BSDC1: variants seen among roughly 807,000 people sequenced by gnomAD.
BSDC1 encodes the protein BSD domain containing 1.
Under a neutral mutation model 56.0 loss-of-function variants are expected in BSDC1, and 29 were observed. That is an observed-to-expected ratio of 0.52 (90% confidence interval 0.39 to 0.71). The LOEUF is 0.71. Ranked by LOEUF, BSDC1 falls within the 30% of genes least tolerant of loss-of-function variation. The pLI is 0.00. For missense variants in BSDC1, 477 were observed against 548.5 expected (o/e 0.87, Z 1.30); for synonymous variants, 210 against 215.3 (o/e 0.98, Z 0.21).
chr1:32,367,043 C>A (rs979010625), intron 10 of BSDC1: 10 of 1,008,042 alleles, frequency 9.9e-6, no homozygotes, highest in Non-Finnish European at 1.1e-5. Flanking sequence ...GATACTTGGC[C>A]CTGGACACAA....
chr1:32,377,093 G>A (rs1301514495), intron 8 of BSDC1, among the ~76,000 whole-genome samples: 2 of 151,956 alleles, frequency 1.3e-5, no homozygotes, highest in Non-Finnish European at 2.9e-5. Context: ...CGGAGATTGC[G>A]CCACTGCACT....
intron 4 of BSDC1, among the ~76,000 whole-genome samples, chr1:32,382,576 T>C (rs889371525): frequency 1.3e-5 from 2 of 151,032 alleles, no homozygotes; most frequent in Admixed American, 6.6e-5. Flanking sequence ...GAAAATACAA[T>C]GTGGCCAGGC....
At chr1:32,380,019 T>G (rs913763201) in intron 5 of BSDC1, among the ~76,000 whole-genome samples, 4 of 152,142 alleles carry the variant, frequency 2.6e-5, no homozygotes, top group Admixed American at 6.6e-5. Context: ...CTTCAAAGGG[T>G]CAAAGAATTC....
intron 2 of BSDC1, 200 bp downstream of exon 2, chr1:32,393,880 T>A (rs1198506711): frequency 3.6e-6 from 2 of 559,238 alleles, no homozygotes; most frequent in African/African-American, 3.8e-5. Context: ...AAACCATCTT[T>A]ATTTCACTGT....
chr1:32,386,046 G>A (rs1286938707), intron 3 of BSDC1, among the ~76,000 whole-genome samples: 12 of 152,118 alleles, frequency 7.9e-5, no homozygotes, highest in South Asian at 2.1e-4. Flanking sequence ...AGGGCTGGGC[G>A]CGGTGGCTCA....
chr1:32,381,335 T>C (rs1642472582), intron 4 of BSDC1, 67 bp from the exon 5 acceptor site: 1 of 1,477,436 alleles, frequency 6.8e-7, no homozygotes, highest in Non-Finnish European at 9.4e-7. Context: ...ACCCTTTCTC[T>C]GCCAGGATAC....
chr1:32,376,413 C>T lies in BSDC1; in HGVS notation c.1005G>A (p.Lys335=), dbSNP rs1382913573. 3 of 1,613,794 alleles carry T rather than the reference C, an allele frequency of 1.9e-6. No individual in the cohort carries two copies. The highest frequency in any genetic ancestry group is 1.1e-5 in the South Asian group (1 of 91,048). ...ETGPSPPIHS[K]PLTPAGHTGG... ...CGGTGTGGCCAGCAGGCGTTAGGGG[C>T]TTGGAGTGAATAGGGGGTGAGGGTC... Residue 335 remains lysine (K), a synonymous_variant, in exon 9 of 11, where the codon AAG becomes AAA. Coordinates refer to ENST00000455895, the MANE Select transcript of BSDC1 (RefSeq NM_018045.8).
intron 5 of BSDC1, among the ~76,000 whole-genome samples, chr1:32,379,877 T>C (rs1048710457): frequency 6.6e-6 from 1 of 152,018 alleles, no homozygotes; most frequent in African/African-American, 2.4e-5. Flanking sequence ...CTTCTGTCTT[T>C]CTCTCTATTT....
chr1:32,381,742 CA>C (rs1373096293), intron 4 of BSDC1, among the ~76,000 whole-genome samples: 1 of 152,208 alleles, frequency 6.6e-6, no homozygotes, highest in African/African-American at 2.4e-5. Context: ...CTGGCAAAGA[CA>C]AAGTCCACCT....
intron 4 of BSDC1, 131 bp downstream of exon 4, chr1:32,383,699 G>T (rs1005152736): frequency 2.9e-6 from 2 of 698,724 alleles, no homozygotes; most frequent in East Asian, 5.4e-5. Context: ...GGTATTTTCT[G>T]ATTTACTATT....
chr1:32,374,957 C>G (rs961239729), intron 9 of BSDC1, among the ~76,000 whole-genome samples: 2 of 152,110 alleles, frequency 1.3e-5, no homozygotes, highest in African/African-American at 4.8e-5. Context: ...TCGAGACCAT[C>G]CTGGCTAACA....
At chr1:32,387,930 T>C (rs1642729084) in intron 2 of BSDC1, among the ~76,000 whole-genome samples, 1 of 152,214 alleles carries the variant, frequency 6.6e-6, no homozygotes, top group Admixed American at 6.5e-5. Context: ...GGTTCTACCA[T>C]CCCGAGGTTC....
chr1:32,372,522 A>T (rs543323076), intron 9 of BSDC1, among the ~76,000 whole-genome samples: 1 of 152,354 alleles, frequency 6.6e-6, no homozygotes, highest in Admixed American at 6.5e-5. Flanking sequence ...GGTGGGTATT[A>T]ACAGTCCCAG....
At chr1:32,377,909 C>T (rs1484086967) in intron 8 of BSDC1, 61 bp downstream of exon 8, 1 of 1,519,896 alleles carries the variant, frequency 6.6e-7, no homozygotes, top group Admixed American at 1.9e-5. Context: ...GAGAGCATGG[C>T]CCAGCCCAGA....
At position 32,378,491 on chromosome 1, in the gene BSDC1, C is replaced by T. The variant is rs1292394631; in HGVS notation, c.529-208G>A. Among the ~76,000 whole-genome samples the T allele has an allele frequency of 1.3e-5, 2 of 152,192 alleles. No homozygotes were observed. The highest frequency in any genetic ancestry group is 2.1e-4 in the South Asian group (1 of 4,830). ...TTGGCCAAGGAGTGAGAAAAGAACT[C>T]CCATCAGGCTTTGCTGGCCCTTCCA... On this transcript the variant is annotated intron_variant, in intron 6 of 10. Transcript: ENST00000455895. This position sits in a 1 kb window ranked among gnomAD's most constrained non-coding sequence, Gnocchi z 5.2.
chr1:32,378,427 C>G lies in BSDC1; in HGVS notation c.529-144G>C, dbSNP rs1642370927. 13 of 821,758 alleles carry G rather than the reference C, an allele frequency of 1.6e-5. No individual in the cohort carries two copies. The Admixed American group carries it at 2.5e-4, about 16-fold the overall frequency. The allele number at this position is 821,758 out of a possible 1,614,324, so 50.9% of individuals were successfully genotyped here. ...AGTGACAGTCAGAGCACTTCCACCC[C>G]CACCAAAGTTTCAGCCAGACCCACC... On this transcript the variant is annotated intron_variant, in intron 6 of 10. Coordinates refer to ENST00000455895, the MANE Select transcript of BSDC1 (RefSeq NM_018045.8). This position sits in a 1 kb window ranked among gnomAD's most constrained non-coding sequence, Gnocchi z 5.2.
In BSDC1 at chr1:32,376,602, T is replaced by C. The variant is rs1326301869; in HGVS notation, c.816A>G (p.Ala272=). 8 of 1,484,142 alleles carry C rather than the reference T, an allele frequency of 5.4e-6. No individual in the cohort carries two copies. The highest frequency in any genetic ancestry group is 7.2e-6 in the Non-Finnish European group (8 of 1,106,074). 91.9% of individuals were successfully genotyped at this position (1,484,142 alleles called of 1,614,324 possible). A position where few individuals can be genotyped will look rare whatever the true frequency, so the allele number is the denominator to read the frequency against. ...CACTGCTCTCTGATGGAGTCACCTC[T>C]GCTGGGGGCTCAACTGAAGTCACCA... is the stretch of plus-strand genomic sequence containing the variant. The part of the protein sequence containing the change: ...ENLVTSVEPP[A]EVTPSESSES... The change falls in exon 9 of 11, where the codon GCA becomes GCG. Residue 272 remains alanine, a synonymous_variant. Transcript: ENST00000455895.
chr1:32,384,644 A>AGCCTT (rs979627927), intron 3 of BSDC1, among the ~76,000 whole-genome samples: 2 of 152,228 alleles, frequency 1.3e-5, no homozygotes, highest in African/African-American at 4.8e-5. Flanking sequence ...TAGAACAGAT[A>AGCCTT]GCCTTGCCTT....
chr1:32,383,758 T>A (rs550974821), intron 4 of BSDC1, 72 bp downstream of exon 4: 437 of 1,454,122 alleles, frequency 3.0e-4, no homozygotes, highest in Non-Finnish European at 3.9e-4. Context: ...GCTGCTTTTG[T>A]GAGTACAGGA....
Sources: gnomAD v4.1 joint callset for allele counts (sites outside exome capture counted in the v4.1 genomes callset) on GRCh38, gnomAD v4.1.1 for gene constraint, Gnocchi (gnomAD v3.1) non-coding constraint, MANE v1.5 for transcripts, NCBI Gene and HGNC (gene_info 2026-07-23, HGNC 2026-07-21) for gene names.